HOXB5: variants seen among roughly 807,000 people sequenced by gnomAD.
The protein encoded by HOXB5 is homeobox B5, also known as homeobox protein Hox-B5.
A neutral mutation model predicts 19.6 loss-of-function variants in HOXB5; 10 were observed. That is an observed-to-expected ratio of 0.51 (90% CI 0.32 to 0.87). The LOEUF is 0.87. HOXB5 is among the 40% of genes least tolerant of loss of function. HOXB5 has a pLI of 0.04. For synonymous variants in HOXB5, 167 were observed against 156.9 expected, an observed-to-expected ratio of 1.06 and a Z score of -0.48; for missense variants, 353 against 369.6, an observed-to-expected ratio of 0.96 and a Z score of 0.37.
chr17:48,593,181 C>A lies in HOXB5; in HGVS notation c.502G>T (p.Ala168Ser), dbSNP rs1567969878. 1 of 1,597,962 alleles carries A rather than the reference C, an allele frequency of 6.3e-7. No individual in the cohort carries two copies. Among genetic ancestry groups the A allele is most frequent in the African/African-American group, 1.3e-5 (1 of 74,312 alleles). Residue 168 changes from alanine (A) to serine (S), a missense_variant, in exon 1 of 2, where the codon GCG becomes TCG. Coordinates refer to ENST00000239151, the MANE Select transcript of HOXB5 (RefSeq NM_002147.4). ...ATTTGCGGAGTCTGCCCCTCGGGCG[C>A]GGCTGTGGAGGTGGCCATGGGCTCT... ...QPEPMATSTA[A>S]PEGQTPQIFP...
chr17:48,592,082 G>C lies in HOXB5; in HGVS notation c.*127C>G, dbSNP rs899139184. On this transcript the variant is annotated 3_prime_UTR_variant, in exon 2 of 2. Transcript: ENST00000239151. ...AAGACCTAAGACCAAACGAAATATC[G>C]TAACACAAGGCGAGGCAGGCTTGTG... 11 of 1,080,462 alleles carry C rather than the reference G, an allele frequency of 1.0e-5. No individual in the cohort carries two copies. The highest frequency in any genetic ancestry group is 3.1e-4 in the Middle Eastern group (1 of 3,208). The allele number at this position is 1,080,462 out of a possible 1,614,324, so 66.9% of individuals were successfully genotyped here. A position where few individuals can be genotyped will look rare whatever the true frequency, so the allele number is the denominator to read the frequency against.
In HOXB5 at chr17:48,592,070, A is replaced by G. The variant is rs1597864617; in HGVS notation, c.*139T>C. 1.1e-6 allele frequency: 1 copy of G among 951,934 alleles called. No individual in the cohort carries two copies. The highest frequency in any genetic ancestry group is 2.6e-5 in the East Asian group (1 of 39,008). 59.0% of individuals were successfully genotyped at this position (951,934 alleles called of 1,614,324 possible). On this transcript the variant is annotated 3_prime_UTR_variant, in exon 2 of 2. Coordinates refer to ENST00000239151, the MANE Select transcript of HOXB5 (RefSeq NM_002147.4). ...GGGAGCCACAGGAAGACCTAAGACC[A>G]AACGAAATATCGTAACACAAGGCGA...
At position 48,593,449 on chromosome 17, in the gene HOXB5, C is replaced by G. The variant is rs370630262; in HGVS notation, c.234G>C (p.Ala78=). ...GCCTGAAGCGGGGCTCCTGGGCGGG[C>G]GCGGGGAAGGCGCGCGAGCTCTCGC... The part of the protein sequence containing the change: ...AVGESSRAFP[A]PAQEPRFRQA... Residue 78 remains alanine, a synonymous_variant, in exon 1 of 2, where the codon GCG becomes GCC. Coordinates refer to ENST00000239151, the MANE Select transcript of HOXB5 (RefSeq NM_002147.4). 146 of 1,610,668 alleles carry G rather than the reference C, an allele frequency of 9.1e-5. No individual in the cohort carries two copies. The highest frequency in any genetic ancestry group is 5.0e-4 in the Middle Eastern group (3 of 5,992).
Position 48,591,924 on chromosome 17 carries a change from C to A in HOXB5, c.*285G>T. ...CTGGGGGAAAGACTGCAACCACAGACACAAACATTCAGAAACACTGGCGGA... is the reference window on the plus strand; with the variant it reads ...CTGGGGGAAAGACTGCAACCACAGAAACAAACATTCAGAAACACTGGCGGA... On this transcript the variant is annotated 3_prime_UTR_variant, in exon 2 of 2. Transcript: ENST00000239151. The A allele has an allele frequency of 4.8e-6, 1 of 207,482 alleles. No homozygotes were observed. The highest frequency in any genetic ancestry group is 9.3e-6 in the Non-Finnish European group (1 of 107,302). The allele number at this position is 207,482 out of a possible 1,614,324, so 12.9% of individuals were successfully genotyped here. A position where few individuals can be genotyped will look rare whatever the true frequency, so the allele number is the denominator to read the frequency against.
At chr17:48,593,063 C>CCAACCACCCCCAAAAA in intron 1 of HOXB5, 58 bp downstream of exon 1, 1 of 466,144 alleles carries the variant, frequency 2.1e-6, no homozygotes, top group Non-Finnish European at 3.9e-6. Flanking sequence ...TCCCCCCGAT[C>CCAACCACCCCCAAAAA]CCACCCCAAA....
At chr17:48,592,976 G>T in intron 1 of HOXB5, 145 bp downstream of exon 1, 1 of 578,614 alleles carries the variant, frequency 1.7e-6, no homozygotes, top group Admixed American at 3.3e-5. Flanking sequence ...TGTCTACGAA[G>T]CTATGAGGCC....
In HOXB5 at chr17:48,592,114, G is replaced by C. The variant is rs1308959498; in HGVS notation, c.*95C>G. 4.8e-5 allele frequency: 69 copies of C among 1,428,946 alleles called. No individual in the cohort carries two copies. Among genetic ancestry groups the C allele is most frequent in the Non-Finnish European group, 6.3e-5 (67 of 1,059,526 alleles). 88.5% of individuals were successfully genotyped at this position (1,428,946 alleles called of 1,614,324 possible). A position where few individuals can be genotyped will look rare whatever the true frequency, so the allele number is the denominator to read the frequency against. On this transcript the variant is annotated 3_prime_UTR_variant, in exon 2 of 2. Transcript: ENST00000239151. ...AAGGCGAGGCAGGCTTGTGGGAACC[G>C]GTCCCCAGCGGGCGGCGGCAGAGCG...
At position 48,593,486 on chromosome 17, in the gene HOXB5, A is replaced by T; in HGVS notation, c.197T>A (p.Phe66Tyr). The change falls in exon 1 of 2, where the codon TTT (phenylalanine) becomes TAT (tyrosine). Residue 66 changes from phenylalanine (F) to tyrosine (Y), a missense_variant. Phe to Tyr is a conservative substitution (Grantham distance 22). Transcript: ENST00000239151. ...VNRSSASSSH[F>Y]GAVGESSRAF... ...GCGCGAGCTCTCGCCCACCGCCCCA[A>T]AGTGGCTGGAGGAGGCCGAGGAGCG... 6.2e-7 allele frequency: 1 copy of T among 1,613,402 alleles called. No individual in the cohort carries two copies. The highest frequency in any genetic ancestry group is 8.5e-7 in the Non-Finnish European group (1 of 1,179,748).
chr17:48,593,379 A>G lies in HOXB5; in HGVS notation c.304T>C (p.Cys102Arg). The G allele has an allele frequency of 1.9e-6, 3 of 1,602,344 alleles. No individual in the cohort carries two copies. The highest frequency in any genetic ancestry group is 2.6e-6 in the Non-Finnish European group (3 of 1,172,472). ...CSLSSPESLP[C>R]TNGDSHGAKP... is the part of the protein sequence containing the mutation. ...GCGCCGTGGCTGTCGCCGTTGGTGCAGGGCAGGGACTCGGGCGAGGACAGG... is the reference window on the plus strand; with the variant it reads ...GCGCCGTGGCTGTCGCCGTTGGTGCGGGGCAGGGACTCGGGCGAGGACAGG... Residue 102 changes from cysteine to arginine, a missense_variant, in exon 1 of 2, where the codon TGC becomes CGC. Coordinates refer to ENST00000239151, the MANE Select transcript of HOXB5 (RefSeq NM_002147.4).
At position 48,591,889 on chromosome 17, in the gene HOXB5, T is replaced by C. The variant is rs977842434; in HGVS notation, c.*320A>G. 4.0e-5 allele frequency: 7 copies of C among 173,840 alleles called. No homozygotes were observed. Among genetic ancestry groups the C allele is most frequent in the African/African-American group, 1.2e-4 (5 of 42,028 alleles). 10.8% of individuals were successfully genotyped at this position (173,840 alleles called of 1,614,324 possible). On this transcript the variant is annotated 3_prime_UTR_variant, in exon 2 of 2. Transcript: ENST00000239151. ...CACATTAAACATGCGAATTTCTTTT[T>C]TTTTTTTTCCTGGGGGAAAGACTGC... is the stretch of plus-strand genomic sequence containing the variant.
Position 48,593,276 on chromosome 17 carries a change from G to T in HOXB5, c.407C>A (p.Ala136Asp), listed in dbSNP as rs764738228. Reference sequence around the variant, plus strand: ...TTCCTCAGGCTCCGAGGACGCGCTGGCCTCGTCTATTTCGGTGAAATTGGC... The same window carrying T: ...TTCCTCAGGCTCCGAGGACGCGCTGTCCTCGTCTATTTCGGTGAAATTGGC... ...SSANFTEIDE[A>D]SASSEPEEAA... is the part of the protein sequence containing the mutation. Residue 136 changes from alanine (A) to aspartate (D), a missense_variant, in exon 1 of 2, where the codon GCC becomes GAC. By Grantham distance (126) the Ala-to-Asp change is moderately radical. Coordinates refer to ENST00000239151, the MANE Select transcript of HOXB5 (RefSeq NM_002147.4). 1 of 1,613,734 alleles carries T rather than the reference G, an allele frequency of 6.2e-7. No homozygotes were observed. The highest frequency in any genetic ancestry group is 1.1e-5 in the South Asian group (1 of 91,060).
At position 48,592,287 on chromosome 17, in the gene HOXB5, G is replaced by T. The variant is rs780502498; in HGVS notation, c.732C>A (p.Asn244Lys). The T allele has an allele frequency of 1.2e-6, 2 of 1,614,030 alleles. No homozygotes were observed. Residue 244 changes from asparagine to lysine, a missense_variant, in exon 2 of 2, where the codon AAC (asparagine) becomes AAA (lysine). Coordinates refer to ENST00000239151, the MANE Select transcript of HOXB5 (RefSeq NM_002147.4). ...TGTCCTTCTTCCACTTCATGCGCCG[G>T]TTCTGGAACCAGATCTTGATCTGGC... ...SERQIKIWFQ[N>K]RRMKWKKDNK...
Position 48,593,271 on chromosome 17 carries a change from C to A in HOXB5, c.412G>T (p.Ala138Ser). 2 of 1,613,778 alleles carry A rather than the reference C, an allele frequency of 1.2e-6. No individual in the cohort carries two copies. The highest frequency in any genetic ancestry group is 1.7e-6 in the Non-Finnish European group (2 of 1,179,704). ...GCCGCTTCCTCAGGCTCCGAGGACG[C>A]GCTGGCCTCGTCTATTTCGGTGAAA... is the stretch of plus-strand genomic sequence containing the variant. ...ANFTEIDEAS[A>S]SSEPEEAASQ... Residue 138 changes from alanine to serine, a missense_variant, in exon 1 of 2, where the codon GCG becomes TCG. Transcript: ENST00000239151.
chr17:48,592,097 G>C lies in HOXB5; in HGVS notation c.*112C>G. 1 of 1,254,108 alleles carries C rather than the reference G, an allele frequency of 8.0e-7. No homozygotes were observed. The highest frequency in any genetic ancestry group is 1.1e-6 in the Non-Finnish European group (1 of 908,192). 77.7% of individuals were successfully genotyped at this position (1,254,108 alleles called of 1,614,324 possible). ...ACGAAATATCGTAACACAAGGCGAGGCAGGCTTGTGGGAACCGGTCCCCAG... is the reference window on the plus strand; with the variant it reads ...ACGAAATATCGTAACACAAGGCGAGCCAGGCTTGTGGGAACCGGTCCCCAG... On this transcript the variant is annotated 3_prime_UTR_variant, in exon 2 of 2. Transcript: ENST00000239151.
chr17:48,593,371 G>A lies in HOXB5; in HGVS notation c.312C>T (p.Asn104=). The A allele has an allele frequency of 1.2e-6, 2 of 1,600,102 alleles. No homozygotes were observed. The highest frequency in any genetic ancestry group is 1.7e-6 in the Non-Finnish European group (2 of 1,170,720). ...LSSPESLPCT[N]GDSHGAKPSA... ...AGGGCTTGGCGCCGTGGCTGTCGCC[G>A]TTGGTGCAGGGCAGGGACTCGGGCG... The change falls in exon 1 of 2, where the codon AAC becomes AAT. Residue 104 remains asparagine (N), a synonymous_variant. Coordinates refer to ENST00000239151, the MANE Select transcript of HOXB5 (RefSeq NM_002147.4).
At position 48,592,254 on chromosome 17, in the gene HOXB5, C is replaced by A; in HGVS notation, c.765G>T (p.Leu255Phe). 6.2e-7 allele frequency: 1 copy of A among 1,613,982 alleles called. No homozygotes were observed. The highest frequency in any genetic ancestry group is 1.3e-5 in the African/African-American group (1 of 74,960). The change falls in exon 2 of 2, where the codon TTG becomes TTT. Residue 255 changes from leucine (L) to phenylalanine (F), a missense_variant. Physicochemically the swap from Leu to Phe is conservative, Grantham distance 22. Transcript: ENST00000239151. ...RRMKWKKDNK[L>F]KSMSLATAGS... The stretch of plus-strand genomic sequence containing the variant: ...CAGCTGTAGCCAGGCTCATACTTTT[C>A]AATTTGTTGTCCTTCTTCCACTTCA...
In HOXB5 at chr17:48,592,475, A is replaced by C; in HGVS notation, c.563-19T>G. On this transcript the variant is annotated intron_variant, in intron 1 of 1. Transcript: ENST00000239151. ...GTCATATCTGGAGCAGATAGAGGAA[A>C]GCCGCAAGGCAACATTATTCCGGTT... 1 of 1,304,230 alleles carries C rather than the reference A, an allele frequency of 7.7e-7. No individual in the cohort carries two copies. Among genetic ancestry groups the C allele is most frequent in the Non-Finnish European group, 1.0e-6 (1 of 980,920 alleles). 80.8% of individuals were successfully genotyped at this position (1,304,230 alleles called of 1,614,324 possible).
chr17:48,593,192 G>A lies in HOXB5; in HGVS notation c.491C>T (p.Thr164Ile). Residue 164 changes from threonine (T) to isoleucine (I), a missense_variant, in exon 1 of 2, where the codon ACC becomes ATC. By Grantham distance (89) the Thr-to-Ile change is moderately conservative. Transcript: ENST00000239151. The stretch of plus-strand genomic sequence containing the variant: ...CTGCCCCTCGGGCGCGGCTGTGGAG[G>A]TGGCCATGGGCTCTGGCTGCGCCCG... Reference protein sequence around the residue: ...LARAQPEPMATSTAAPEGQTP... With the variant: ...LARAQPEPMAISTAAPEGQTP... 1 of 1,606,250 alleles carries A rather than the reference G, an allele frequency of 6.2e-7. No homozygotes were observed.
chr17:48,592,506 AG>A, intron 1 of HOXB5, 50 bp from the exon 2 acceptor site: 1 of 113,830 alleles, frequency 8.8e-6, no homozygotes, highest in Non-Finnish European at 1.9e-5. Context: ...CGGTTAAGGG[AG>A]GGGGCACTGG....
Sources: allele counts gnomAD v4.1 joint callset, GRCh38; gene constraint gnomAD v4.1.1; transcripts MANE v1.5; gene names NCBI Gene and HGNC (gene_info 2026-07-23, HGNC 2026-07-21).